The following TACC2 variants were observed in gnomAD, a reference collection of about 807,000 sequenced individuals.
TACC2 encodes the protein transforming acidic coiled-coil containing protein 2.
Under a neutral mutation model 227.3 loss-of-function variants are expected in TACC2, and 137 were observed. The ratio of observed to expected loss-of-function variants is 0.60; its 90% CI spans 0.52 to 0.69. TACC2 has a LOEUF of 0.69. Among genes scored for constraint, TACC2 ranks in the 30% least tolerant of loss-of-function variants. The pLI is 0.00. For missense variants in TACC2, 3,470 were observed against 3,694.4 expected (o/e 0.94, Z 1.57); for synonymous variants, 1,523 against 1,487.5 (o/e 1.02, Z -0.55).
intron 7 of TACC2, among the ~76,000 whole-genome samples, chr10:122,193,977 G>T (rs150753448): frequency 1.3e-5 from 2 of 152,250 alleles, no homozygotes; most frequent in African/African-American, 4.8e-5. Context: ...GGATGCACTG[G>T]CACAGTCATA....
intron 12 of TACC2, among the ~76,000 whole-genome samples, chr10:122,225,860 A>G (rs2095617667): frequency 6.6e-6 from 1 of 152,168 alleles, no homozygotes; most frequent in African/African-American, 2.4e-5. Context: ...GGACCCCAGC[A>G]GGGCATGTGG....
intron 7 of TACC2, among the ~76,000 whole-genome samples, chr10:122,146,968 G>A (rs1440120407): frequency 6.6e-6 from 1 of 152,104 alleles, no homozygotes; most frequent in African/African-American, 2.4e-5. Context: ...ATTGGAATTT[G>A]TCTGATGCTT....
chr10:122,022,118 A>G, intron 2 of TACC2, 104 bp downstream of exon 2: 1 of 1,163,586 alleles, frequency 8.6e-7, no homozygotes, highest in Non-Finnish European at 1.3e-6. Context: ...GGAGCAAACA[A>G]GACAGCTTCT....
intron 14 of TACC2, among the ~76,000 whole-genome samples, chr10:122,229,139 G>C (rs891946662): frequency 6.6e-6 from 1 of 152,052 alleles, no homozygotes; most frequent in South Asian, 2.1e-4. Context: ...TGGGGAGGGG[G>C]TCGGGTCTGC....
intron 3 of TACC2, among the ~76,000 whole-genome samples, chr10:122,073,796 T>C (rs1161440909): frequency 6.6e-6 from 1 of 152,154 alleles, no homozygotes; most frequent in African/African-American, 2.4e-5. Flanking sequence ...TTTATGTTTT[T>C]TGAGATAGGG....
At chr10:122,098,139 C>T (rs754326182) in intron 5 of TACC2, among the ~76,000 whole-genome samples, 11 of 152,286 alleles carry the variant, frequency 7.2e-5, no homozygotes, top group South Asian at 6.2e-4. Flanking sequence ...CAGCTGTTCA[C>T]GGGCTCCTGT....
In TACC2 at chr10:122,086,316, G is replaced by A; in HGVS notation, c.3816G>A (p.Gly1272=). 2 of 1,613,896 alleles carry A rather than the reference G, an allele frequency of 1.2e-6. No individual in the cohort carries two copies. The highest frequency in any genetic ancestry group is 1.1e-5 in the South Asian group (1 of 91,090). ...RAPGESPCPV[G]EPPLALENAA... is the part of the protein sequence containing the mutation. Reference sequence around the variant, plus strand: ...CTGGCGAAAGCCCCTGTCCTGTAGGGGAGCCCCCACTTGCCTTGGAAAATG... The same window carrying A: ...CTGGCGAAAGCCCCTGTCCTGTAGGAGAGCCCCCACTTGCCTTGGAAAATG... The change falls in exon 4 of 23, where the codon GGG becomes GGA. Residue 1272 remains glycine, a synonymous_variant. Transcript: ENST00000369005.
Position 122,087,820 on chromosome 10 carries a change from C to A in TACC2, c.5320C>A (p.Gln1774Lys). ...TGGGGACAGCCCAGCCAGGCCCCAG[C>A]AGGCTAAGGAGCAGCCAGGGCCTGA... ...LHGDSPARPQ[Q>K]AKEQPGPERP... Residue 1774 changes from glutamine to lysine, a missense_variant, in exon 4 of 23, where the codon CAG becomes AAG. Around this residue, in one of 10 missense-constraint regions of TACC2, gnomAD observed 1,924 missense variants for 1,978.3 expected, o/e 0.97. Coordinates refer to ENST00000369005, the MANE Select transcript of TACC2 (RefSeq NM_206862.4). The A allele has an allele frequency of 6.4e-7, 1 of 1,565,770 alleles. No individual in the cohort carries two copies. Among genetic ancestry groups the A allele is most frequent in the South Asian group, 1.2e-5 (1 of 82,188 alleles).
chr10:122,217,408 T>C (rs1224211668), intron 11 of TACC2, among the ~76,000 whole-genome samples: 1 of 151,702 alleles, frequency 6.6e-6, no homozygotes, highest in Non-Finnish European at 1.5e-5. Flanking sequence ...ATATTCAATT[T>C]CAGTGTTTTT....
intron 2 of TACC2, among the ~76,000 whole-genome samples, chr10:122,025,249 A>AG (rs1378649955): frequency 1.3e-5 from 2 of 152,082 alleles, no homozygotes; most frequent in Admixed American, 1.3e-4. Context: ...TTTTCTAACT[A>AG]GATTATTATT....
At chr10:122,147,917 C>T (rs966253481) in intron 7 of TACC2, among the ~76,000 whole-genome samples, 3 of 152,140 alleles carry the variant, frequency 2.0e-5, no homozygotes, top group African/African-American at 7.2e-5. Flanking sequence ...CTCTCCACCT[C>T]GACTCTCTCC....
At position 122,120,020 on chromosome 10, in the gene TACC2, G is replaced by A. The variant is rs78080037; in HGVS notation, c.5574-12589G>A. Reference sequence around the variant, plus strand: ...TAATTTCCTCTCCTTTGAGCTTGCCGTAAAATTCGGTCCTTGGGCTCATTA... The same window carrying A: ...TAATTTCCTCTCCTTTGAGCTTGCCATAAAATTCGGTCCTTGGGCTCATTA... On this transcript the variant is annotated intron_variant, in intron 5 of 22. Coordinates refer to ENST00000369005, the MANE Select transcript of TACC2 (RefSeq NM_206862.4). Among the ~76,000 whole-genome samples the A allele has an allele frequency of 9.1e-3, 1,389 of 152,256 alleles. 22 individuals carry two copies. The highest frequency in any genetic ancestry group is 0.032 in the African/African-American group (1,317 of 41,534).
chr10:122,111,692 C>A (rs1322004829), intron 5 of TACC2, among the ~76,000 whole-genome samples: 1 of 150,800 alleles, frequency 6.6e-6, no homozygotes, highest in Non-Finnish European at 1.5e-5. Context: ...GACGGGGTTT[C>A]ACCATGTTGG....
chr10:122,069,254 T>G (rs1286215055), intron 3 of TACC2, among the ~76,000 whole-genome samples: 1 of 152,042 alleles, frequency 6.6e-6, no homozygotes, highest in African/African-American at 2.4e-5. Context: ...ATTTTTTTTT[T>G]TTTTTGAGAC....
At chr10:122,245,537 C>T (rs2096091828) in intron 19 of TACC2, among the ~76,000 whole-genome samples, 1 of 152,140 alleles carries the variant, frequency 6.6e-6, no homozygotes, top group African/African-American at 2.4e-5. Context: ...ACTAAGAAAG[C>T]AGCCAGAATT....
chr10:122,123,428 T>G (rs1315069559), intron 5 of TACC2, among the ~76,000 whole-genome samples: 1 of 152,128 alleles, frequency 6.6e-6, no homozygotes, highest in East Asian at 1.9e-4. Context: ...TCATCATCAC[T>G]AAAAAGCACA....
chr10:122,137,473 T>TA (rs1215145968), intron 6 of TACC2, among the ~76,000 whole-genome samples: 4 of 150,174 alleles, frequency 2.7e-5, no homozygotes, highest in Admixed American at 1.3e-4. Context: ...GAGGCCCATC[T>TA]AAAAAAAAAG....
chr10:122,026,192 G>A (rs1018699818), intron 2 of TACC2, among the ~76,000 whole-genome samples: 1 of 150,834 alleles, frequency 6.6e-6, no homozygotes, highest in African/African-American at 2.4e-5. Context: ...GCCGGGCATG[G>A]TGGGGGGCAT....
At chr10:122,144,252 A>C (rs2091078036) in intron 7 of TACC2, among the ~76,000 whole-genome samples, 1 of 152,004 alleles carries the variant, frequency 6.6e-6, no homozygotes, top group Non-Finnish European at 1.5e-5. Flanking sequence ...AGCTTTACTC[A>C]AAATCTACTG....
Sources: gnomAD v4.1 joint callset for allele counts (sites outside exome capture counted in the v4.1 genomes callset) on GRCh38, gnomAD v4.1.1 for gene constraint, gnomAD v4.1.1 regional missense constraint, MANE v1.5 for transcripts, NCBI Gene and HGNC (gene_info 2026-07-23, HGNC 2026-07-21) for gene names.